Variants in NPL observed in about 807,000 individuals in gnomAD.
NPL encodes the protein N-acetylneuraminate lyase.
Under a neutral mutation model 41.1 loss-of-function variants are expected in NPL, and 32 were observed. The ratio of observed to expected loss-of-function variants is 0.78; its 90% CI spans 0.59 to 1.05. The LOEUF (loss-of-function observed/expected upper bound fraction) is 1.05, where lower values mean the gene tolerates loss of function less well. NPL is among the 50% of genes least tolerant of loss of function. NPL has a pLI of 0.00. For synonymous variants in NPL, 128 were observed against 134.9 expected (o/e 0.95, Z 0.35); for missense variants, 321 against 378.4 (o/e 0.85, Z 1.26).
intron 3 of NPL, among the ~76,000 whole-genome samples, chr1:182,794,987 C>G (rs1178663617): frequency 6.6e-6 from 1 of 152,122 alleles, no homozygotes; most frequent in Non-Finnish European, 1.5e-5. Context: ...AGATGTTGGG[C>G]AGCGGGGGAA....
intron 6 of NPL, among the ~76,000 whole-genome samples, chr1:182,813,369 T>C (rs969463260): frequency 6.6e-6 from 1 of 152,156 alleles, no homozygotes; most frequent in African/African-American, 2.4e-5. Context: ...TTGCAAAAAA[T>C]TGCAACTTAG....
At chr1:182,792,398 G>A (rs1666540450) in intron 2 of NPL, 112 bp downstream of exon 2, 1 of 152,216 alleles carries the variant, frequency 6.6e-6, no homozygotes, top group African/African-American at 2.4e-5. Flanking sequence ...GGCATGTTAA[G>A]TTGAGATGTT....
In NPL at chr1:182,795,033, A is replaced by G. The variant is rs562573762; in HGVS notation, c.68+594A>G. Among the ~76,000 whole-genome samples, 5 of 152,284 alleles carry G rather than the reference A, an allele frequency of 3.3e-5. No homozygotes were observed. In the East Asian group the frequency reaches 9.6e-4, roughly 29 times the overall value. On this transcript the variant is annotated intron_variant, in intron 3 of 12. Coordinates refer to ENST00000367553, the MANE Select transcript of NPL (RefSeq NM_030769.3). ...AACAGTCCGTTGTTGACTAATCATT[A>G]CCCCAAGCAAGTATTTTGACCTCCA...
intron 4 of NPL, among the ~76,000 whole-genome samples, chr1:182,804,221 C>T (rs768212495): frequency 2.0e-5 from 3 of 152,178 alleles, no homozygotes; most frequent in Non-Finnish European, 2.9e-5. Context: ...CTCTACCTCC[C>T]GGGTTCAAGC....
In NPL at chr1:182,814,766, T is replaced by C; in HGVS notation, c.289-17T>C. On this transcript the variant is annotated splice_polypyrimidine_tract_variant and intron_variant, in intron 6 of 12. Coordinates refer to ENST00000367553, the MANE Select transcript of NPL (RefSeq NM_030769.3). The stretch of plus-strand genomic sequence containing the variant: ...TAAATCACTTGCTCCAATATGGTCT[T>C]CTTTCTTCCTTTAAAGGCCCAACAT... 1 of 1,610,934 alleles carries C rather than the reference T, an allele frequency of 6.2e-7. No individual in the cohort carries two copies. Among genetic ancestry groups the C allele is most frequent in the Non-Finnish European group, 8.5e-7 (1 of 1,177,178 alleles).
At chr1:182,804,268 T>C (rs74400207) in intron 4 of NPL, among the ~76,000 whole-genome samples, 170 of 152,208 alleles carry the variant, frequency 1.1e-3, no homozygotes, top group African/African-American at 4.0e-3. Flanking sequence ...AGCCGGACTA[T>C]AGGCGCACAC....
At position 182,790,374 on chromosome 1, in the gene NPL, AC is replaced by A. The variant is rs149641268; in HGVS notation, c.-72+574del. Among the ~76,000 whole-genome samples, 4 of 152,196 alleles carry A rather than the reference AC, an allele frequency of 2.6e-5. No individual in the cohort carries two copies. The East Asian group carries it at 7.7e-4, about 29-fold the overall frequency. Reference sequence around the variant, plus strand: ...GGAGGTATAAGATTTCAAGAGTAATACCCCCTCCCAATGTTTCAGTAATAAT... The same window carrying A: ...GGAGGTATAAGATTTCAAGAGTAATACCCCTCCCAATGTTTCAGTAATAAT... On this transcript the variant is annotated intron_variant, in intron 1 of 12. Transcript: ENST00000367553.
chr1:182,804,945 C>T (rs953829853), intron 4 of NPL, among the ~76,000 whole-genome samples: 4 of 152,144 alleles, frequency 2.6e-5, no homozygotes, highest in African/African-American at 9.7e-5. Flanking sequence ...ATCCCTATGA[C>T]CAGAGTATAC....
At chr1:182,795,725 A>G (rs1165238079) in intron 3 of NPL, 1 of 152,104 alleles carries the variant, frequency 6.6e-6, no homozygotes, top group East Asian at 1.9e-4. Flanking sequence ...TCCCCTTTCC[A>G]CAAGTTTTAA....
In NPL at chr1:182,794,407, G is replaced by T; in HGVS notation, c.36G>T (p.Val12=). Residue 12 remains valine, a synonymous_variant, in exon 3 of 13, where the codon GTG becomes GTT. Transcript: ENST00000367553. ...CAAAGAAGAAACTTCAGGGTCTTGT[G>T]GCTGCAACCATCACGCCAATGACTG... ...AFPKKKLQGL[V]AATITPMTEN... 1 of 1,614,180 alleles carries T rather than the reference G, an allele frequency of 6.2e-7. No homozygotes were observed. Among genetic ancestry groups the T allele is most frequent in the Non-Finnish European group, 8.5e-7 (1 of 1,180,034 alleles).
intron 6 of NPL, among the ~76,000 whole-genome samples, chr1:182,813,785 A>G (rs1464487483): frequency 6.6e-6 from 1 of 152,216 alleles, no homozygotes; most frequent in Non-Finnish European, 1.5e-5. Context: ...GGACACTGCC[A>G]TCAACTCTCT....
At position 182,830,243 on chromosome 1, in the gene NPL, G is replaced by C. The variant is rs1009726716; in HGVS notation, c.*1335G>C. On this transcript the variant is annotated 3_prime_UTR_variant, in exon 13 of 13. Transcript: ENST00000367553. ...CCTCAACCCTCTTTTTGCCTTTGTA[G>C]CTTTTAATTTCCTGAAAGAAGAAAA... is the stretch of plus-strand genomic sequence containing the variant. 6.6e-6 allele frequency: 1 copy of C among 152,102 alleles called. No homozygotes were observed. Among genetic ancestry groups the C allele is most frequent in the Non-Finnish European group, 1.5e-5 (1 of 68,014 alleles). The allele number at this position is 152,102 out of a possible 1,614,324, so 9.4% of individuals were successfully genotyped here.
At chr1:182,801,183 A>G (rs1014093849) in intron 3 of NPL, among the ~76,000 whole-genome samples, 1 of 152,256 alleles carries the variant, frequency 6.6e-6, no homozygotes, top group Non-Finnish European at 1.5e-5. Context: ...ACTTAAGTCC[A>G]AGAACATTTT....
intron 10 of NPL, among the ~76,000 whole-genome samples, chr1:182,820,928 C>T (rs538952228): frequency 6.6e-6 from 1 of 152,264 alleles, no homozygotes; most frequent in African/African-American, 2.4e-5. Context: ...TTGGCTCCTG[C>T]TTTTTGTCCT....
chr1:182,790,613 TTTGTTG>T (rs148847511), intron 1 of NPL, among the ~76,000 whole-genome samples: 3,181 of 150,456 alleles, frequency 0.021, 81 homozygotes, highest in South Asian at 0.051. Context: ...GTTAAAGTCT[TTTGTTG>T]TTGTTGTTGT....
chr1:182,799,636 A>G (rs910632095), intron 3 of NPL, among the ~76,000 whole-genome samples: 5 of 150,884 alleles, frequency 3.3e-5, no homozygotes, highest in African/African-American at 9.7e-5. Context: ...AGTGGCACAC[A>G]TCTGTAGTCC....
intron 3 of NPL, among the ~76,000 whole-genome samples, 173 bp from the exon 4 acceptor site, chr1:182,803,525 G>A (rs758603922): frequency 2.0e-5 from 3 of 148,394 alleles, no homozygotes; most frequent in Non-Finnish European, 4.4e-5. Flanking sequence ...GAAATCACCA[G>A]ATTCAGGGGG....
chr1:182,829,720 G>C lies in NPL; in HGVS notation c.*812G>C. 1.6e-6 allele frequency: 2 copies of C among 1,258,358 alleles called. No individual in the cohort carries two copies. The highest frequency in any genetic ancestry group is 1.3e-5 in the South Asian group (1 of 77,580). The allele number at this position is 1,258,358 out of a possible 1,614,324, so 77.9% of individuals were successfully genotyped here. On this transcript the variant is annotated 3_prime_UTR_variant, in exon 13 of 13. Transcript: ENST00000367553. ...CGCAGGACCCTGAATTATTGAAATC[G>C]AAGGCTGACTTCCTTTCTGCAGTGA...
chr1:182,814,872 T>A lies in NPL; in HGVS notation c.364+14T>A, dbSNP rs774657211. On this transcript the variant is annotated intron_variant, in intron 7 of 12. Transcript: ENST00000367553. ...CATGGACCAAAGGTAAGTAGATAGG[T>A]CTGAATGCATGGCATCTCACATGGT... 3 of 1,603,030 alleles carry A rather than the reference T, an allele frequency of 1.9e-6. No homozygotes were observed. The highest frequency in any genetic ancestry group is 2.6e-6 in the Non-Finnish European group (3 of 1,169,958).
Sources: allele counts gnomAD v4.1 joint callset (sites outside exome capture counted in the v4.1 genomes callset), GRCh38; gene constraint gnomAD v4.1.1; transcripts MANE v1.5; gene names NCBI Gene and HGNC (gene_info 2026-07-23, HGNC 2026-07-21).